Variants in CPM observed in about 807,000 individuals in gnomAD.
The protein encoded by CPM is renal carboxypeptidase.
Under a neutral mutation model 46.4 loss-of-function variants are expected in CPM, and 35 were observed. The ratio of observed to expected loss-of-function variants is 0.75; its 90% CI spans 0.58 to 1.00. The LOEUF (loss-of-function observed/expected upper bound fraction) is 1.00, where lower values mean the gene tolerates loss of function less well. Ranked by LOEUF, CPM falls within the 50% of genes least tolerant of loss-of-function variation. The pLI, the probability that CPM is intolerant of heterozygous loss-of-function variation, is 0.00. For missense variants in CPM, 422 were observed against 530.4 expected (o/e 0.80, Z 2.01); for synonymous variants, 195 against 195.3 (o/e 1.00, Z 0.01).
intron 2 of CPM, among the ~76,000 whole-genome samples, chr12:68,914,603 T>C (rs1887732011): frequency 6.6e-6 from 1 of 152,242 alleles, no homozygotes; most frequent in Non-Finnish European, 1.5e-5. Flanking sequence ...TGTCTGTTCC[T>C]TCATACTCTG....
chr12:68,906,888 T>C (rs1022874613), intron 2 of CPM, among the ~76,000 whole-genome samples: 26 of 152,224 alleles, frequency 1.7e-4, no homozygotes, highest in Admixed American at 1.7e-3. Context: ...TAAATGTAAA[T>C]CATTCATTAT....
intron 2 of CPM, among the ~76,000 whole-genome samples, chr12:68,924,165 A>C (rs1256676426): frequency 2.0e-5 from 3 of 151,814 alleles, no homozygotes; most frequent in African/African-American, 4.8e-5. Flanking sequence ...AAAAAAAAAA[A>C]AAAACCTAAA....
At chr12:68,900,279 TCATCATATGTCA>T (rs1338644253) in intron 2 of CPM, among the ~76,000 whole-genome samples, 2 of 152,174 alleles carry the variant, frequency 1.3e-5, no homozygotes, top group Non-Finnish European at 2.9e-5. Context: ...TGAAAAGATG[TCATCATATGTCA>T]CATCATATGT....
rs546097137 is a variant in CPM, at chr12:68,863,788, C to T, written c.940+3108G>A. ...CAGAGACTTCCAGATGGGTCAAAAC[C>T]TCAGAAACTCAGAAGCATCCTAGCA... On this transcript the variant is annotated intron_variant, in intron 7 of 8. Transcript: ENST00000551568. Among the ~76,000 whole-genome samples the T allele has an allele frequency of 1.9e-3, 289 of 152,272 alleles. 1 individual carries two copies. Among genetic ancestry groups the T allele is most frequent in the African/African-American group, 6.6e-3 (276 of 41,548 alleles).
intron 5 of CPM, chr12:68,842,928 G>C (rs1228820874): frequency 4.8e-6 from 1 of 209,660 alleles, no homozygotes; most frequent in Non-Finnish European, 9.7e-6. Flanking sequence ...TTGGGGATGA[G>C]AGCCGAATAA....
intron 2 of CPM, among the ~76,000 whole-genome samples, chr12:68,920,546 T>G (rs187004882): frequency 1.3e-5 from 2 of 152,350 alleles, no homozygotes; most frequent in East Asian, 3.9e-4. Context: ...TGTGCCCTTC[T>G]GGACCACTCA....
chr12:68,934,307 T>C (rs563113659), upstream of CPM, among the ~76,000 whole-genome samples: 34 of 152,356 alleles, frequency 2.2e-4, no homozygotes, highest in Middle Eastern at 3.4e-3. Context: ...ATTTTTCTCG[T>C]GGAGGCCCAA....
intron 2 of CPM, among the ~76,000 whole-genome samples, chr12:68,908,299 C>T (rs1380240482): frequency 6.6e-6 from 1 of 151,962 alleles, no homozygotes; most frequent in African/African-American, 2.4e-5. Flanking sequence ...TCCTAAGGTG[C>T]TGTAGGTACC....
intron 8 of CPM, 49 bp from the exon 9 acceptor site, chr12:68,856,728 G>C (rs373019224): frequency 6.3e-7 from 1 of 1,592,160 alleles, no homozygotes; most frequent in African/African-American, 1.3e-5. Context: ...GATGGTTCGT[G>C]GTGCCCACAC....
chr12:68,923,675 T>C (rs192806442), intron 2 of CPM, among the ~76,000 whole-genome samples: 1 of 152,352 alleles, frequency 6.6e-6, no homozygotes, highest in Admixed American at 6.5e-5. Context: ...ACATAAGATA[T>C]GGTATCCATA....
At chr12:68,863,572 C>T (rs2136222176) in intron 7 of CPM, among the ~76,000 whole-genome samples, 1 of 152,264 alleles carries the variant, frequency 6.6e-6, no homozygotes, top group South Asian at 2.1e-4. Context: ...TTAGAACAGG[C>T]TGGTGGGAGG....
chr12:68,851,167 A>G (rs1884655574), downstream of CPM: 2 of 152,584 alleles, frequency 1.3e-5, no homozygotes, highest in Admixed American at 1.3e-4. Flanking sequence ...AATGGGAAAA[A>G]AGCATTATTT....
At position 68,856,445 on chromosome 12, in the gene CPM, A is replaced by C; in HGVS notation, c.1324T>G (p.Phe442Val). 1 of 1,613,056 alleles carries C rather than the reference A, an allele frequency of 6.2e-7. No homozygotes were observed. The highest frequency in any genetic ancestry group is 2.2e-5 in the East Asian group (1 of 44,866). ...GAGTTTCACATTTTACTTTATTTGA[A>C]GAATATGTGCAAAAGACTCACTAAA... ...LFLVSLLHIF[F>V]K The change falls in exon 9 of 9, where the codon TTC becomes GTC. Residue 442 changes from phenylalanine (F) to valine (V), a missense_variant. Phe to Val is a conservative substitution (Grantham distance 50). Transcript: ENST00000551568.
intron 2 of CPM, among the ~76,000 whole-genome samples, chr12:68,909,875 T>C (rs1197635703): frequency 2.0e-5 from 3 of 151,396 alleles, no homozygotes; most frequent in Admixed American, 6.6e-5. Flanking sequence ...TTAGGAGAAA[T>C]ACCTAATGTA....
chr12:68,951,265 G>C (rs1888930894), intron 1 of CPM, among the ~76,000 whole-genome samples: 1 of 152,196 alleles, frequency 6.6e-6, no homozygotes, highest in Non-Finnish European at 1.5e-5. Flanking sequence ...AACTTCAACA[G>C]CATTCAACAA....
chr12:68,913,826 A>G, intron 2 of CPM: 3 of 637,658 alleles, frequency 4.7e-6, no homozygotes, highest in South Asian at 4.2e-5. Context: ...TGTTTTCCAG[A>G]GTATGATGGT....
chr12:68,925,318 C>T (rs1888213836), intron 2 of CPM, among the ~76,000 whole-genome samples: 2 of 152,110 alleles, frequency 1.3e-5, no homozygotes, highest in Admixed American at 1.3e-4. Context: ...GCAGCTTTTA[C>T]ATAGCACTTA....
At chr12:68,961,576 A>G (rs1382408247) in intron 1 of CPM, among the ~76,000 whole-genome samples, 1 of 152,184 alleles carries the variant, frequency 6.6e-6, no homozygotes, top group East Asian at 1.9e-4. Flanking sequence ...CAGGTGTGCA[A>G]CACTGTGCCT....
intron 2 of CPM, among the ~76,000 whole-genome samples, chr12:68,910,643 T>C (rs1249422686): frequency 1.3e-5 from 2 of 152,212 alleles, no homozygotes; most frequent in East Asian, 3.8e-4. Context: ...TCTTAAACTA[T>C]TATTTTTTTA....
Sources: allele counts gnomAD v4.1 joint callset (sites outside exome capture counted in the v4.1 genomes callset), GRCh38; gene constraint gnomAD v4.1.1; transcripts MANE v1.5; gene names NCBI Gene and HGNC (gene_info 2026-07-23, HGNC 2026-07-21).